FNBP1: variants seen among roughly 807,000 people sequenced by gnomAD.
FNBP1 encodes the protein formin binding protein 1.
A neutral mutation model predicts 90.6 loss-of-function variants in FNBP1; 26 were observed. That is an observed-to-expected ratio of 0.29 (90% CI 0.21 to 0.40). The LOEUF (loss-of-function observed/expected upper bound fraction) is 0.40, where lower values mean the gene tolerates loss of function less well. Ranked by LOEUF, FNBP1 falls within the 10% of genes least tolerant of loss-of-function variation. The probability of loss-of-function intolerance (pLI) is 1.00; values close to 1 mark genes in which losing one functional copy is unlikely to be tolerated. For synonymous variants in FNBP1, 260 were observed against 265.2 expected (o/e 0.98, Z 0.19); for missense variants, 635 against 768.0 (o/e 0.83, Z 2.05).
At chr9:130,035,088 G>A (rs1292004737) in intron 1 of FNBP1, among the ~76,000 whole-genome samples, 4 of 152,196 alleles carry the variant, frequency 2.6e-5, no homozygotes, top group Admixed American at 1.3e-4. Flanking sequence ...GGCAGAGGTT[G>A]CAGTGAGTCG....
At chr9:129,919,096 G>T in intron 10 of FNBP1, 3 of 623,804 alleles carry the variant, frequency 4.8e-6, no homozygotes, top group Non-Finnish European at 7.8e-6. Context: ...CAGTCTTGGT[G>T]CTGTGAATGG....
chr9:129,988,540 G>A (rs923403034), intron 2 of FNBP1, among the ~76,000 whole-genome samples: 1 of 152,102 alleles, frequency 6.6e-6, no homozygotes, highest in Non-Finnish European at 1.5e-5. Context: ...AGCCAGGCAT[G>A]GTGGTGTGCG....
chr9:129,894,732 A>C (rs2035460633), intron 16 of FNBP1, among the ~76,000 whole-genome samples: 1 of 152,206 alleles, frequency 6.6e-6, no homozygotes, highest in African/African-American at 2.4e-5. Context: ...CCTTTTAAGT[A>C]ACTCCATCTA....
In FNBP1 at chr9:129,939,390, G is replaced by GAAAAAAAA. The variant is rs35702684; in HGVS notation, c.514-9696_514-9695insTTTTTTTT. Among the ~76,000 whole-genome samples the GAAAAAAAA allele has an allele frequency of 2.7e-5, 4 of 145,964 alleles. No individual in the cohort carries two copies. The Admixed American group carries it at 2.7e-4, about 10-fold the overall frequency. ...GGCAACAAGAGCAAGCCTCCGTCCC[G>GAAAAAAAA]AAAAATAAAAAAATCTTGCATATGT... On this transcript the variant is annotated intron_variant, in intron 6 of 16. Transcript: ENST00000446176.
Position 129,890,565 on chromosome 9 carries a change from CAGAA to C in FNBP1, c.1847-23_1847-20del, listed in dbSNP as rs1179233039. 3.2e-6 allele frequency: 5 copies of C among 1,577,876 alleles called. No homozygotes were observed. The African/African-American group carries it at 4.1e-5, about 13-fold the overall frequency. On this transcript the variant is annotated intron_variant, in intron 16 of 16. Coordinates refer to ENST00000446176, the MANE Select transcript of FNBP1 (RefSeq NM_015033.3). This position sits in a 1 kb window ranked among gnomAD's most constrained non-coding sequence, Gnocchi z 5.8. ...TAGGAATCTACAACACAAAGAGAAA[CAGAA>C]AGAGAAACTCTCTGTTAGAGAGGAA... is the stretch of plus-strand genomic sequence containing the variant.
Position 130,042,960 on chromosome 9 carries a change from C to T in FNBP1, c.16G>A (p.Glu6Lys). 1 of 1,227,536 alleles carries T rather than the reference C, an allele frequency of 8.1e-7. No individual in the cohort carries two copies. Among genetic ancestry groups the T allele is most frequent in the Non-Finnish European group, 1.0e-6 (1 of 984,752 alleles). The allele number at this position is 1,227,536 out of a possible 1,614,324, so 76.0% of individuals were successfully genotyped here. Residue 6 changes from glutamate to lysine, a missense_variant, in exon 1 of 17, where the codon GAG (glutamate) becomes AAG (lysine). Glu to Lys is a moderately conservative substitution (Grantham distance 56, BLOSUM62 1). Coordinates refer to ENST00000446176, the MANE Select transcript of FNBP1 (RefSeq NM_015033.3). The surrounding 1 kb of genome is among the most constrained non-coding windows in gnomAD (Gnocchi z 5.5). MSWGT[E>K]LWDQFDNLEK... ...CCCAGCCCCTCACTCACCCAGAGCT[C>T]GGTGCCCCAGCTCATGGTGCAGGGG...
chr9:129,903,542 G>A (rs753311961), intron 12 of FNBP1, among the ~76,000 whole-genome samples: 35 of 152,038 alleles, frequency 2.3e-4, no homozygotes, highest in Non-Finnish European at 4.9e-4. Flanking sequence ...TTCTCTAATG[G>A]TTATCTCCTT....
chr9:129,927,467 T>C lies in FNBP1; in HGVS notation c.643-126A>G. 2 of 814,664 alleles carry C rather than the reference T, an allele frequency of 2.5e-6. 1 individual carries two copies. The highest frequency in any genetic ancestry group is 4.8e-4 in the Middle Eastern group (2 of 4,130). 50.5% of individuals were successfully genotyped at this position (814,664 alleles called of 1,614,324 possible). On this transcript the variant is annotated intron_variant, in intron 7 of 16. Coordinates refer to ENST00000446176, the MANE Select transcript of FNBP1 (RefSeq NM_015033.3). ...AAAAATGGGTTAGAGTTAGAGCGGC[T>C]CTAAGTACACGGAGCCTCCATATTA...
At chr9:129,913,158 G>C (rs1242456642) in intron 11 of FNBP1, among the ~76,000 whole-genome samples, 2 of 152,016 alleles carry the variant, frequency 1.3e-5, no homozygotes, top group Non-Finnish European at 2.9e-5. Flanking sequence ...CAGTGAGCCA[G>C]GATCATGCCA....
At chr9:129,997,222 T>A (rs1330088416) in intron 1 of FNBP1, among the ~76,000 whole-genome samples, 1 of 151,394 alleles carries the variant, frequency 6.6e-6, no homozygotes, top group African/African-American at 2.4e-5. Flanking sequence ...TACTCGGGAG[T>A]CTGAGGGAGG....
chr9:129,895,483 G>C, intron 16 of FNBP1: 2 of 1,159,890 alleles, frequency 1.7e-6, no homozygotes, highest in Non-Finnish European at 2.1e-6. Flanking sequence ...ATGCGTGCCG[G>C]CTTTTAAATT....
At chr9:130,016,674 A>G (rs1428464078) in intron 1 of FNBP1, among the ~76,000 whole-genome samples, 1 of 152,082 alleles carries the variant, frequency 6.6e-6, no homozygotes, top group Non-Finnish European at 1.5e-5. Flanking sequence ...ACCTGGGAGG[A>G]GGAGGTTGCG....
At chr9:130,045,686 G>A (rs558147138), upstream of FNBP1, among the ~76,000 whole-genome samples, 1 of 152,254 alleles carries the variant, frequency 6.6e-6, no homozygotes, top group Middle Eastern at 3.4e-3. Flanking sequence ...ACTTCATTAA[G>A]CTTTGGCAGT....
At chr9:129,912,208 G>A (rs2039422569) in intron 11 of FNBP1, among the ~76,000 whole-genome samples, 2 of 152,224 alleles carry the variant, frequency 1.3e-5, no homozygotes, top group South Asian at 4.1e-4. Flanking sequence ...GCTAGTGTCT[G>A]CTGCTTGATA....
intron 6 of FNBP1, among the ~76,000 whole-genome samples, chr9:129,955,833 G>GCACA (rs10656523): frequency 0.27 from 36,874 of 138,866 alleles, 4,653 homozygotes; most frequent in Non-Finnish European, 0.31. Flanking sequence ...TTCTTTTAGC[G>GCACA]CGCACACACA....
intron 1 of FNBP1, among the ~76,000 whole-genome samples, chr9:130,038,215 C>T (rs2059502085): frequency 6.6e-6 from 1 of 151,602 alleles, no homozygotes; most frequent in African/African-American, 2.4e-5. Flanking sequence ...ATTAGCCGGG[C>T]GTGGTGGCGG....
intron 6 of FNBP1, among the ~76,000 whole-genome samples, chr9:129,945,506 C>T (rs1481617854): frequency 6.6e-6 from 1 of 152,204 alleles, no homozygotes; most frequent in Non-Finnish European, 1.5e-5. Flanking sequence ...ATAAAGATGT[C>T]AACCTAGTAC....
At chr9:129,991,457 G>A (rs774428322) in intron 2 of FNBP1, among the ~76,000 whole-genome samples, 28 of 151,158 alleles carry the variant, frequency 1.9e-4, no homozygotes, top group Admixed American at 1.7e-3. Context: ...ATTCTTTTTA[G>A]AGGCAGGGTC....
chr9:129,906,563 C>T (rs987921597), intron 12 of FNBP1, among the ~76,000 whole-genome samples: 3 of 152,344 alleles, frequency 2.0e-5, no homozygotes, highest in Admixed American at 6.5e-5. Flanking sequence ...CATGCCTTTG[C>T]TCCTCCTTTG....
Sources: allele counts gnomAD v4.1 joint callset (sites outside exome capture counted in the v4.1 genomes callset), GRCh38; gene constraint gnomAD v4.1.1; non-coding constraint Gnocchi (gnomAD v3.1); transcripts MANE v1.5; gene names NCBI Gene and HGNC (gene_info 2026-07-23, HGNC 2026-07-21).